Variants in HTR3C observed in about 807,000 individuals in gnomAD.
HTR3C encodes the protein 5-hydroxytryptamine receptor 3C.
In HTR3C, 32 loss-of-function variants were observed where a neutral mutation model predicts 40.5. The ratio of observed to expected loss-of-function variants is 0.79; its 90% CI spans 0.60 to 1.06. The LOEUF is 1.06. Ranked by LOEUF, HTR3C falls within the 50% of genes least tolerant of loss-of-function variation. HTR3C has a pLI of 0.00. For synonymous variants in HTR3C, 209 were observed against 217.1 expected, an observed-to-expected ratio of 0.96 and a Z score of 0.33; for missense variants, 523 against 556.8, an observed-to-expected ratio of 0.94 and a Z score of 0.61.
At chr3:184,054,922 C>G in intron 2 of HTR3C, 35 bp downstream of exon 2, 1 of 1,568,794 alleles carries the variant, frequency 6.4e-7, no homozygotes, top group Non-Finnish European at 8.6e-7. Context: ...TCCATGGCTT[C>G]TAATAAGGAA....
intron 5 of HTR3C, among the ~76,000 whole-genome samples, chr3:184,057,755 AAAAC>A (rs1723357725): frequency 6.6e-6 from 1 of 150,630 alleles, no homozygotes; most frequent in Non-Finnish European, 1.5e-5. Context: ...AAAACAAAAC[AAAAC>A]AAAAAACAAA....
In HTR3C at chr3:184,059,615, C is replaced by T. The variant is rs923953889; in HGVS notation, c.900C>T (p.Leu300=). The change falls in exon 7 of 9, where the codon CTC becomes CTT. Residue 300 remains leucine, a synonymous_variant. Coordinates refer to ENST00000318351, the MANE Select transcript of HTR3C (RefSeq NM_130770.3). ...TCCTGCTCATGATGAATGACTTGCT[C>T]CCTGCCAGTGGCACCCCCCTCATCA... The part of the protein sequence containing the change: ...NVFLLMMNDL[L]PASGTPLISV... The T allele has an allele frequency of 2.5e-6, 4 of 1,614,106 alleles. No individual in the cohort carries two copies. The highest frequency in any genetic ancestry group is 2.2e-5 in the East Asian group (1 of 44,884).
Position 184,059,505 on chromosome 3 carries a change from A to G in HTR3C, c.790A>G (p.Ile264Val). Reference protein sequence around the residue: ...LLVPSSFLVAIDALSFYLPAE... With the variant: ...LLVPSSFLVAVDALSFYLPAE... Reference sequence around the variant, plus strand: ...GGTGCCCAGTAGCTTTCTGGTTGCCATTGATGCCCTCAGCTTCTACCTGCC... The same window carrying G: ...GGTGCCCAGTAGCTTTCTGGTTGCCGTTGATGCCCTCAGCTTCTACCTGCC... Residue 264 changes from isoleucine to valine, a missense_variant, in exon 7 of 9, where the codon ATT (isoleucine) becomes GTT (valine). Ile to Val is a conservative substitution (Grantham distance 29). Transcript: ENST00000318351. The G allele has an allele frequency of 1.2e-6, 2 of 1,614,172 alleles. No homozygotes were observed. The highest frequency in any genetic ancestry group is 1.7e-6 in the Non-Finnish European group (2 of 1,180,026).
At chr3:184,053,741 T>G (rs147845351) in intron 1 of HTR3C, among the ~76,000 whole-genome samples, 17 of 152,274 alleles carry the variant, frequency 1.1e-4, no homozygotes, top group African/African-American at 3.6e-4. Flanking sequence ...GGCCTCACTT[T>G]GTGGTTTTGT....
rs1301380568 is a variant in HTR3C at position 184,058,559 on chromosome 3, A to G, written c.692A>G (p.Asn231Ser). The change falls in exon 6 of 9, where the codon AAC (asparagine) becomes AGC (serine). Residue 231 changes from asparagine to serine, a missense_variant. Physicochemically the swap from Asn to Ser is conservative, Grantham distance 46. Coordinates refer to ENST00000318351, the MANE Select transcript of HTR3C (RefSeq NM_130770.3). ...GCCACCCCAAAGATGTCCATGGGCA[A>G]CAACCTATATGACCAGATCATGTTT... is the stretch of plus-strand genomic sequence containing the variant. ...NKATPKMSMG[N>S]NLYDQIMFYV... 1 of 1,613,392 alleles carries G rather than the reference A, an allele frequency of 6.2e-7. No individual in the cohort carries two copies. Among genetic ancestry groups the G allele is most frequent in the Non-Finnish European group, 8.5e-7 (1 of 1,179,724 alleles).
rs149590807 is a variant in HTR3C at position 184,059,548 on chromosome 3, G to A, written c.833G>A (p.Arg278His). 4.3e-5 allele frequency: 70 copies of A among 1,613,926 alleles called. No homozygotes were observed. The highest frequency in any genetic ancestry group is 3.6e-4 in the African/African-American group (27 of 74,862). ...TACCTGCCAGCAGAGAGCGAGAATC[G>A]TGCCCCATTCAAGATAACACTTCTG... ...SFYLPAESEN[R>H]APFKITLLLG... Residue 278 changes from arginine to histidine, a missense_variant, in exon 7 of 9, where the codon CGT becomes CAT. Arg to His is a conservative substitution (Grantham distance 29, BLOSUM62 0). Transcript: ENST00000318351.
chr3:184,060,396 G>A lies in HTR3C; in HGVS notation c.*44G>A, dbSNP rs948041362. 2 of 1,612,228 alleles carry A rather than the reference G, an allele frequency of 1.2e-6. No individual in the cohort carries two copies. Among genetic ancestry groups the A allele is most frequent in the African/African-American group, 1.3e-5 (1 of 74,884 alleles). ...TGGCAAACAACAGCTTGGAGTTTCT[G>A]CTGGTCTTGGGCCAGCCGGACTCAT... On this transcript the variant is annotated 3_prime_UTR_variant, in exon 9 of 9. Transcript: ENST00000318351.
In HTR3C at chr3:184,058,562, A is replaced by G; in HGVS notation, c.695A>G (p.Asn232Ser). The change falls in exon 6 of 9, where the codon AAC becomes AGC. Residue 232 changes from asparagine (N) to serine (S), a missense_variant. By Grantham distance (46) the Asn-to-Ser change is conservative. Transcript: ENST00000318351. The part of the protein sequence containing the change: ...KATPKMSMGN[N>S]LYDQIMFYVA... Reference sequence around the variant, plus strand: ...ACCCCAAAGATGTCCATGGGCAACAACCTATATGACCAGATCATGTTTTAT... The same window carrying G: ...ACCCCAAAGATGTCCATGGGCAACAGCCTATATGACCAGATCATGTTTTAT... 6.2e-7 allele frequency: 1 copy of G among 1,612,804 alleles called. No homozygotes were observed.
intron 6 of HTR3C, among the ~76,000 whole-genome samples, chr3:184,058,801 T>C (rs745911688): frequency 6.6e-6 from 1 of 151,522 alleles, no homozygotes; most frequent in Non-Finnish European, 1.5e-5. Context: ...CGTCTCTAAT[T>C]TAAAAAACAC....
At chr3:184,053,765 T>C (rs778425535) in intron 1 of HTR3C, among the ~76,000 whole-genome samples, 47 of 152,262 alleles carry the variant, frequency 3.1e-4, no homozygotes, top group Non-Finnish European at 5.9e-4. Flanking sequence ...TGTTGTTGTT[T>C]GTTTTTTGAC....
At chr3:184,059,687 G>C (rs1393378198) in intron 7 of HTR3C, 47 bp downstream of exon 7, 1 of 1,607,246 alleles carries the variant, frequency 6.2e-7, no homozygotes. Flanking sequence ...CCCGGGGCCA[G>C]GGAGGAGGGC....
chr3:184,059,905 G>C lies in HTR3C; in HGVS notation c.1003G>C (p.Val335Leu), dbSNP rs761733644. Reference sequence around the variant, plus strand: ...CGTCTTCATTACCTACCTGCTGCACGTGGCCACCACCCAGCCCCCACCCAT... The same window carrying C: ...CGTCTTCATTACCTACCTGCTGCACCTGGCCACCACCCAGCCCCCACCCAT... ...ETVFITYLLHVATTQPPPMPR... is the reference protein window; with the variant it reads ...ETVFITYLLHLATTQPPPMPR... The change falls in exon 8 of 9, where the codon GTG (valine) becomes CTG (leucine). Residue 335 changes from valine (V) to leucine (L), a missense_variant. Physicochemically the swap from Val to Leu is conservative, Grantham distance 32 (BLOSUM62 1). Coordinates refer to ENST00000318351, the MANE Select transcript of HTR3C (RefSeq NM_130770.3). The C allele has an allele frequency of 2.3e-5, 37 of 1,613,756 alleles. No homozygotes were observed. The highest frequency in any genetic ancestry group is 2.8e-5 in the Non-Finnish European group (33 of 1,180,012).
intron 3 of HTR3C, 70 bp from the exon 4 acceptor site, chr3:184,056,107 G>C (rs2108971337): frequency 1.1e-6 from 1 of 947,592 alleles, no homozygotes; most frequent in Middle Eastern, 2.1e-4. Flanking sequence ...AAGAAGAATG[G>C]AAAGGGTGGG....
At chr3:184,055,010 CA>C (rs11291187) in intron 2 of HTR3C, 123 bp downstream of exon 2, 431,079 of 941,864 alleles carry the variant, frequency 0.46, 102,431 homozygotes, top group African/African-American at 0.66. Context: ...GGATTTAACG[CA>C]AGTTAGATGC....
rs1264910257 is a variant in HTR3C at position 184,060,651 on chromosome 3, C to G, written c.*299C>G. The G allele has an allele frequency of 4.6e-6, 2 of 434,668 alleles. No homozygotes were observed. Among genetic ancestry groups the G allele is most frequent in the South Asian group, 3.0e-5 (1 of 33,628 alleles). 26.9% of individuals were successfully genotyped at this position (434,668 alleles called of 1,614,324 possible). A position where few individuals can be genotyped will look rare whatever the true frequency, so the allele number is the denominator to read the frequency against. On this transcript the variant is annotated 3_prime_UTR_variant, in exon 9 of 9. Transcript: ENST00000318351. ...GTGGAGTCTCTCCTTGATTGATCACCCCAATAAACAACTTTCCAGGAAGCA... is the reference window on the plus strand; with the variant it reads ...GTGGAGTCTCTCCTTGATTGATCACGCCAATAAACAACTTTCCAGGAAGCA...
chr3:184,055,062 G>A (rs769189399), intron 2 of HTR3C, among the ~76,000 whole-genome samples, 175 bp downstream of exon 2: 9 of 152,222 alleles, frequency 5.9e-5, no homozygotes, highest in Non-Finnish European at 8.8e-5. Flanking sequence ...GAATACTGCA[G>A]TGATGTTTTT....
chr3:184,060,280 C>T lies in HTR3C; in HGVS notation c.1272C>T (p.Thr424=), dbSNP rs778860624. The change falls in exon 9 of 9, where the codon ACC becomes ACT. Residue 424 remains threonine, a synonymous_variant. Transcript: ENST00000318351. The part of the protein sequence containing the change: ...LWVQFSHAMD[T]LLFRLYLLFM... Reference sequence around the variant, plus strand: ...TGCAGTTCAGCCACGCGATGGACACCCTGCTCTTCCGCCTCTACCTGCTCT... The same window carrying T: ...TGCAGTTCAGCCACGCGATGGACACTCTGCTCTTCCGCCTCTACCTGCTCT... 6.2e-7 allele frequency: 1 copy of T among 1,614,112 alleles called. No individual in the cohort carries two copies. The highest frequency in any genetic ancestry group is 8.5e-7 in the Non-Finnish European group (1 of 1,180,034).
intron 1 of HTR3C, among the ~76,000 whole-genome samples, chr3:184,054,093 A>G (rs897001546): frequency 4.6e-5 from 7 of 152,206 alleles, no homozygotes; most frequent in Non-Finnish European, 8.8e-5. Flanking sequence ...CTGTATGCTC[A>G]GTGATGTCAC....
Position 184,058,604 on chromosome 3 carries a change from C to A in HTR3C, c.720+17C>A. On this transcript the variant is annotated intron_variant, in intron 6 of 8. Transcript: ENST00000318351. ...ATGTTTTATGTGAGTCCAGGGGCCC[C>A]TGTTTGACTTCTGATCCCAGCAGCT... 6.2e-7 allele frequency: 1 copy of A among 1,601,626 alleles called. No homozygotes were observed. Among genetic ancestry groups the A allele is most frequent in the African/African-American group, 1.3e-5 (1 of 74,100 alleles).
Sources: gnomAD v4.1 joint callset for allele counts (sites outside exome capture counted in the v4.1 genomes callset) on GRCh38, gnomAD v4.1.1 for gene constraint, MANE v1.5 for transcripts, NCBI Gene and HGNC (gene_info 2026-07-23, HGNC 2026-07-21) for gene names.